AUH: variants seen among roughly 807,000 people sequenced by gnomAD.
AUH encodes the protein methylglutaconyl-CoA hydratase, mitochondrial.
In AUH, 29 loss-of-function variants were observed where a neutral mutation model predicts 42.3. The ratio of observed to expected loss-of-function variants is 0.69; its 90% CI spans 0.51 to 0.93. AUH has a LOEUF of 0.93. AUH is among the 40% of genes least tolerant of loss of function. The probability of loss-of-function intolerance (pLI) is 0.00; values close to 1 mark genes in which losing one functional copy is unlikely to be tolerated. For missense variants in AUH, 452 were observed against 438.1 expected, an observed-to-expected ratio of 1.03 and a Z score of -0.28; for synonymous variants, 174 against 166.4, an observed-to-expected ratio of 1.05 and a Z score of -0.35.
chr9:91,337,966 C>T (rs1364406227), intron 3 of AUH, among the ~76,000 whole-genome samples: 2 of 152,124 alleles, frequency 1.3e-5, no homozygotes, highest in Non-Finnish European at 2.9e-5. Flanking sequence ...GCACTAGATC[C>T]TCAATAAGAA....
intron 3 of AUH, among the ~76,000 whole-genome samples, chr9:91,335,941 G>A (rs1830655281): frequency 6.6e-6 from 1 of 152,108 alleles, no homozygotes; most frequent in South Asian, 2.1e-4. Context: ...GTCCATGTGT[G>A]CCTGAAACGA....
chr9:91,309,424 T>C (rs567095040), intron 4 of AUH, among the ~76,000 whole-genome samples: 93 of 152,290 alleles, frequency 6.1e-4, no homozygotes, highest in African/African-American at 2.0e-3. Context: ...CACTTGGCTT[T>C]TGGAATACTG....
At position 91,325,184 on chromosome 9, in the gene AUH, G is replaced by A. The variant is rs1353382731; in HGVS notation, c.505+134C>T. The A allele has an allele frequency of 1.9e-5, 12 of 638,652 alleles. 1 individual carries two copies. The highest frequency in any genetic ancestry group is 2.7e-5 in the Non-Finnish European group (10 of 373,750). 39.6% of individuals were successfully genotyped at this position (638,652 alleles called of 1,614,324 possible). On this transcript the variant is annotated intron_variant, in intron 4 of 9. Coordinates refer to ENST00000375731, the MANE Select transcript of AUH (RefSeq NM_001698.3). Reference sequence around the variant, plus strand: ...TCAAATTAAATATATTAAGTGTCACGTTAAACAGCTATAGGTCATGATTAT... The same window carrying A: ...TCAAATTAAATATATTAAGTGTCACATTAAACAGCTATAGGTCATGATTAT...
chr9:91,307,646 T>C (rs753462088), intron 4 of AUH, among the ~76,000 whole-genome samples: 14 of 152,250 alleles, frequency 9.2e-5, no homozygotes, highest in Non-Finnish European at 1.5e-4. Flanking sequence ...TATATTCATA[T>C]GACTTTTATT....
intron 6 of AUH, among the ~76,000 whole-genome samples, chr9:91,283,706 T>G (rs1826166810): frequency 6.6e-6 from 1 of 152,128 alleles, no homozygotes; most frequent in Non-Finnish European, 1.5e-5. Flanking sequence ...TGAACTCCCA[T>G]TCACAATTCC....
intron 6 of AUH, among the ~76,000 whole-genome samples, chr9:91,230,254 T>C (rs1474049159): frequency 6.6e-6 from 1 of 152,190 alleles, no homozygotes; most frequent in Non-Finnish European, 1.5e-5. Context: ...CTTTGCTCGT[T>C]TCTTTTTCTT....
chr9:91,266,963 A>G (rs1284019484), intron 6 of AUH, among the ~76,000 whole-genome samples: 1 of 152,228 alleles, frequency 6.6e-6, no homozygotes, highest in African/African-American at 2.4e-5. Context: ...TGTGTATGTT[A>G]TATTTTGGTG....
chr9:91,340,318 A>G (rs1329949328), intron 3 of AUH, among the ~76,000 whole-genome samples: 2 of 152,248 alleles, frequency 1.3e-5, no homozygotes, highest in Admixed American at 1.3e-4. Context: ...ACATAATTCT[A>G]AAGAAAAAAA....
intron 6 of AUH, among the ~76,000 whole-genome samples, chr9:91,287,162 G>C (rs1228547236): frequency 1.3e-5 from 2 of 152,042 alleles, no homozygotes; most frequent in Admixed American, 1.3e-4. Context: ...ATGAGACACA[G>C]GGACATCATG....
chr9:91,249,766 C>T (rs1829020441), intron 6 of AUH, among the ~76,000 whole-genome samples: 1 of 152,082 alleles, frequency 6.6e-6, no homozygotes, highest in Non-Finnish European at 1.5e-5. Flanking sequence ...AATCCCAGTA[C>T]TTGCAGAAGC....
intron 6 of AUH, among the ~76,000 whole-genome samples, chr9:91,278,573 T>C (rs917868758): frequency 1.3e-5 from 2 of 152,242 alleles, no homozygotes; most frequent in Admixed American, 6.5e-5. Context: ...TTTGGCGCGA[T>C]TTCAACGAAT....
chr9:91,271,767 G>GCCT (rs912806011), intron 6 of AUH, among the ~76,000 whole-genome samples: 1 of 152,052 alleles, frequency 6.6e-6, no homozygotes, highest in African/African-American at 2.4e-5. Flanking sequence ...TGCAGCCTCC[G>GCCT]CCTCCCAGGT....
chr9:91,219,212 AG>A (rs1424041502), intron 7 of AUH, among the ~76,000 whole-genome samples: 1 of 152,242 alleles, frequency 6.6e-6, no homozygotes, highest in Admixed American at 6.5e-5. Context: ...AGAGCAAGTC[AG>A]GCCCTAAGGG....
chr9:91,287,170 A>G (rs1826481526), intron 6 of AUH, among the ~76,000 whole-genome samples: 1 of 152,176 alleles, frequency 6.6e-6, no homozygotes, highest in African/African-American at 2.4e-5. Flanking sequence ...CAGGGACATC[A>G]TGCAACCCCA....
intron 4 of AUH, among the ~76,000 whole-genome samples, chr9:91,303,516 G>A (rs567765290): frequency 7.2e-5 from 11 of 152,294 alleles, no homozygotes; most frequent in Admixed American, 1.3e-4. Flanking sequence ...GTTTTTAGTA[G>A]AGACAGGGTT....
intron 3 of AUH, among the ~76,000 whole-genome samples, chr9:91,354,030 T>C (rs1832215457): frequency 6.6e-6 from 1 of 151,708 alleles, no homozygotes; most frequent in Admixed American, 6.6e-5. Context: ...TAGCCAGGCG[T>C]GGTGGCGGGC....
chr9:91,273,777 A>G (rs1225174856), intron 6 of AUH, among the ~76,000 whole-genome samples: 2 of 152,232 alleles, frequency 1.3e-5, no homozygotes, highest in Non-Finnish European at 2.9e-5. Flanking sequence ...CTCCAGTTCC[A>G]GAGCAATCAC....
intron 6 of AUH, among the ~76,000 whole-genome samples, chr9:91,228,436 TTC>T (rs1227594907): frequency 6.8e-6 from 1 of 147,682 alleles, no homozygotes; most frequent in African/African-American, 2.5e-5. Context: ...TATTTGATTC[TTC>T]TCTCTTTTTT....
chr9:91,340,541 A>C (rs561606196), intron 3 of AUH, among the ~76,000 whole-genome samples: 1 of 152,364 alleles, frequency 6.6e-6, no homozygotes, highest in East Asian at 1.9e-4. Flanking sequence ...TTTAAGAACC[A>C]TAAACCTCAA....
Sources: allele counts gnomAD v4.1 joint callset (sites outside exome capture counted in the v4.1 genomes callset), GRCh38; gene constraint gnomAD v4.1.1; transcripts MANE v1.5; gene names NCBI Gene and HGNC (gene_info 2026-07-23, HGNC 2026-07-21).